The following GPC6 variants were observed in gnomAD, a reference collection of about 807,000 sequenced individuals.
GPC6 encodes the protein glypican 6.
A neutral mutation model predicts 55.2 loss-of-function variants in GPC6; 14 were observed. That is an observed-to-expected ratio of 0.25 (90% CI 0.17 to 0.40). The LOEUF is 0.40. Among genes scored for constraint, GPC6 ranks in the 10% least tolerant of loss-of-function variants. The probability of loss-of-function intolerance (pLI) is 1.00; values close to 1 mark genes in which losing one functional copy is unlikely to be tolerated. For synonymous variants in GPC6, 278 were observed against 259.6 expected, an observed-to-expected ratio of 1.07 and a Z score of -0.68; for missense variants, 641 against 708.5, an observed-to-expected ratio of 0.90 and a Z score of 1.08.
Position 94,023,867 on chromosome 13 carries a change from A to AT in GPC6, c.712-3862_712-3861insT, listed in dbSNP as rs1302342547. ...GAGGGCATTATGCTCAGAAAAAAAA[A>AT]GTCAAGCTCAAAAGGTTACTTATTG... On this transcript the variant is annotated intron_variant, in intron 3 of 8. Transcript: ENST00000377047. Among the ~76,000 whole-genome samples the AT allele has an allele frequency of 1.3e-4, 20 of 152,190 alleles. No homozygotes were observed. The East Asian group carries it at 2.9e-3, about 22-fold the overall frequency.
At chr13:93,342,269 A>G (rs9516224) in intron 1 of GPC6, among the ~76,000 whole-genome samples, 236 of 152,246 alleles carry the variant, frequency 1.6e-3, no homozygotes, top group Non-Finnish European at 2.8e-3. Flanking sequence ...GTCCATTTTT[A>G]TACTGCTATG....
At chr13:94,115,609 G>C (rs560860460) in intron 4 of GPC6, among the ~76,000 whole-genome samples, 1 of 152,238 alleles carries the variant, frequency 6.6e-6, no homozygotes, top group South Asian at 2.1e-4. Context: ...TAGAAGAGAT[G>C]TGAGGATTTT....
At chr13:93,710,433 T>C (rs1247051446) in intron 2 of GPC6, among the ~76,000 whole-genome samples, 1 of 151,760 alleles carries the variant, frequency 6.6e-6, no homozygotes, top group Non-Finnish European at 1.5e-5. Flanking sequence ...CTGTCCAAGA[T>C]ATCACATCTT....
intron 2 of GPC6, among the ~76,000 whole-genome samples, chr13:93,790,298 T>G (rs1254571633): frequency 1.3e-5 from 2 of 152,204 alleles, no homozygotes; most frequent in Non-Finnish European, 2.9e-5. Flanking sequence ...GAAATCTACA[T>G]TTCATTATTA....
At chr13:94,093,946 C>T (rs1287473918) in intron 4 of GPC6, among the ~76,000 whole-genome samples, 1 of 151,990 alleles carries the variant, frequency 6.6e-6, no homozygotes, top group Non-Finnish European at 1.5e-5. Flanking sequence ...ATTGGCCCTG[C>T]AATCTAAATG....
At chr13:93,257,509 T>C (rs756510366) in intron 1 of GPC6, among the ~76,000 whole-genome samples, 10 of 152,204 alleles carry the variant, frequency 6.6e-5, no homozygotes, top group Non-Finnish European at 1.0e-4. Flanking sequence ...GTAAGATTGT[T>C]AAAAAGAGGC....
At chr13:93,434,286 G>A (rs1338997602) in intron 1 of GPC6, among the ~76,000 whole-genome samples, 1 of 152,160 alleles carries the variant, frequency 6.6e-6, no homozygotes, top group Admixed American at 6.5e-5. Context: ...ACAGCCTATA[G>A]ACTGATATTA....
At chr13:93,438,062 C>T (rs1877639818) in intron 1 of GPC6, among the ~76,000 whole-genome samples, 1 of 152,118 alleles carries the variant, frequency 6.6e-6, no homozygotes, top group African/African-American at 2.4e-5. Flanking sequence ...ATTGACAGTG[C>T]ACCTGTTTAC....
chr13:93,804,486 C>G (rs1886480656), intron 2 of GPC6, among the ~76,000 whole-genome samples: 1 of 152,190 alleles, frequency 6.6e-6, no homozygotes, highest in Non-Finnish European at 1.5e-5. Flanking sequence ...TTCCAAATCT[C>G]AAGCCACCTC....
rs1048783294 is a variant in GPC6 at position 94,371,371 on chromosome 13, A to C, written c.1153-11043A>C. ...TCACCAACCCAACACACACACTTCA[A>C]AAACCATAGTTATCAACTATGGCCA... On this transcript the variant is annotated intron_variant, in intron 6 of 8. Coordinates refer to ENST00000377047, the MANE Select transcript of GPC6 (RefSeq NM_005708.5). Among the ~76,000 whole-genome samples the C allele has an allele frequency of 5.3e-5, 8 of 152,304 alleles. No homozygotes were observed. In the South Asian group the frequency reaches 1.0e-3, roughly 20 times the overall value.
chr13:94,153,500 G>A (rs1414541367), intron 4 of GPC6, among the ~76,000 whole-genome samples: 1 of 152,126 alleles, frequency 6.6e-6, no homozygotes, highest in African/African-American at 2.4e-5. Context: ...CACCAACTCT[G>A]AAAATGGGAA....
At chr13:93,926,125 C>T (rs971827071) in intron 3 of GPC6, among the ~76,000 whole-genome samples, 2 of 152,140 alleles carry the variant, frequency 1.3e-5, no homozygotes, top group African/African-American at 2.4e-5. Context: ...AACCTAGTCT[C>T]AATAGTCACA....
chr13:94,060,039 T>C lies in GPC6; in HGVS notation c.877+32145T>C, dbSNP rs528545184. On this transcript the variant is annotated intron_variant, in intron 4 of 8. Transcript: ENST00000377047. ...ACCTCTTCTCAAATATCATCTCCTC[T>C]CTTTGGTTTTCAAATTTATTATACA... 1.1e-4 allele frequency among the ~76,000 whole-genome samples: 16 copies of C among 152,180 alleles called. No homozygotes were observed. The South Asian group carries it at 2.7e-3, about 26-fold the overall frequency.
At chr13:93,859,614 C>T (rs1178491505) in intron 3 of GPC6, among the ~76,000 whole-genome samples, 4 of 151,594 alleles carry the variant, frequency 2.6e-5, no homozygotes, top group African/African-American at 7.3e-5. Flanking sequence ...AAAGATAGCA[C>T]GTATAATTAC....
intron 4 of GPC6, among the ~76,000 whole-genome samples, chr13:94,142,353 A>G (rs979591045): frequency 3.9e-5 from 6 of 152,222 alleles, no homozygotes; most frequent in African/African-American, 1.4e-4. Flanking sequence ...ATTTAACAGG[A>G]AAGTCAGATA....
intron 4 of GPC6, among the ~76,000 whole-genome samples, chr13:94,150,918 G>C (rs2138895593): frequency 6.7e-6 from 1 of 150,222 alleles, no homozygotes; most frequent in Admixed American, 6.7e-5. Flanking sequence ...GTGTTCTGTT[G>C]GTAGCTTCTC....
At chr13:93,894,197 G>C (rs964773967) in intron 3 of GPC6, among the ~76,000 whole-genome samples, 2 of 152,130 alleles carry the variant, frequency 1.3e-5, no homozygotes, top group Admixed American at 6.6e-5. Flanking sequence ...ATTCCTGCCT[G>C]GTCTTAACTC....
At position 94,165,262 on chromosome 13, in the gene GPC6, AT is replaced by A; in HGVS notation, c.878-121086del. Among the ~76,000 whole-genome samples, 3 of 145,868 alleles carry A rather than the reference AT, an allele frequency of 2.1e-5. No homozygotes were observed. In the South Asian group the frequency reaches 6.3e-4, roughly 31 times the overall value. On this transcript the variant is annotated intron_variant, in intron 4 of 8. Transcript: ENST00000377047. ...TATATATGTATACATATATGTATAC[AT>A]ATATATATACACATATATATATATA...
At position 94,242,149 on chromosome 13, in the gene GPC6, A is replaced by G. The variant is rs550381090; in HGVS notation, c.878-44200A>G. On this transcript the variant is annotated intron_variant, in intron 4 of 8. Coordinates refer to ENST00000377047, the MANE Select transcript of GPC6 (RefSeq NM_005708.5). ...TGTTCTCATTATTCAATCCCCACCT[A>G]TGAGTGAGAACATGCGGTGTTTGGT... 1.1e-3 allele frequency among the ~76,000 whole-genome samples: 166 copies of G among 151,480 alleles called. 1 individual carries two copies. In the Middle Eastern group the frequency reaches 0.017, roughly 16 times the overall value.
Sources: allele counts gnomAD v4.1 joint callset (sites outside exome capture counted in the v4.1 genomes callset), GRCh38; gene constraint gnomAD v4.1.1; transcripts MANE v1.5; gene names NCBI Gene and HGNC (gene_info 2026-07-23, HGNC 2026-07-21).